The following JADE3 variants were observed in gnomAD, a reference collection of about 807,000 sequenced individuals.
JADE3 encodes jade family PHD finger 3.
Under a neutral mutation model 50.1 loss-of-function variants are expected in JADE3, and 2 were observed. The ratio of observed to expected loss-of-function variants is 0.04; its 90% CI spans 0.02 to 0.13. JADE3 has a LOEUF of 0.13. Ranked by LOEUF, JADE3 falls within the 10% of genes least tolerant of loss-of-function variation. The probability of loss-of-function intolerance (pLI) is 1.00; values close to 1 mark genes in which losing one functional copy is unlikely to be tolerated. For missense variants in JADE3, 475 were observed against 634.4 expected, an observed-to-expected ratio of 0.75 and a Z score of 2.70; for synonymous variants, 218 against 232.9, an observed-to-expected ratio of 0.94 and a Z score of 0.58.
At chrX:46,957,236 G>GATAGATAA (rs1927151329) in intron 1 of JADE3, among the ~76,000 whole-genome samples, 1 of 111,021 alleles carries the variant, frequency 9.0e-6, no homozygotes, top group Non-Finnish European at 1.9e-5. Flanking sequence ...TAGATAGATA[G>GATAGATAA]ATAGATAGAT....
intron 1 of JADE3, among the ~76,000 whole-genome samples, chrX:46,979,113 G>A (rs1395823298): frequency 1.8e-5 from 2 of 111,669 alleles, no homozygotes; most frequent in Non-Finnish European, 3.8e-5. Flanking sequence ...CCCAGGACTG[G>A]TGTAACTCGT....
At position 47,059,935 on chromosome X, in the gene JADE3, C is replaced by T. The variant is rs1556374757; in HGVS notation, c.*858C>T. On this transcript the variant is annotated 3_prime_UTR_variant, in exon 11 of 11. Transcript: ENST00000614628. ...GTTTGACTAAAATAAGTTTGGCTGA[C>T]AGTTTTTGTATACCTGCTTTAATGT... The T allele has an allele frequency of 8.9e-6, 1 of 112,019 alleles. No homozygotes were observed. The highest frequency in any genetic ancestry group is 2.8e-4 in the East Asian group (1 of 3,590). The allele number at this position is 112,019 out of a possible 1,213,427, so 9.2% of individuals were successfully genotyped here.
intron 1 of JADE3, among the ~76,000 whole-genome samples, chrX:46,979,167 T>A (rs1927687287): frequency 8.9e-6 from 1 of 112,489 alleles, no homozygotes; most frequent in South Asian, 3.6e-4. Flanking sequence ...TAATACAAGA[T>A]TTTTTGTTTC....
intron 1 of JADE3, among the ~76,000 whole-genome samples, chrX:46,942,778 G>A (rs1055408407): frequency 2.3e-4 from 26 of 111,859 alleles, no homozygotes; most frequent in Middle Eastern, 4.6e-3. Context: ...TGTTGAATCC[G>A]TAAATTGCTT....
chrX:46,931,792 A>G (rs1926502425), intron 1 of JADE3, among the ~76,000 whole-genome samples: 2 of 112,146 alleles, frequency 1.8e-5, no homozygotes, highest in African/African-American at 6.5e-5. Context: ...TATTTGATAA[A>G]TGTGGCTAAA....
intron 1 of JADE3, among the ~76,000 whole-genome samples, chrX:46,979,728 A>G (rs1480837573): frequency 9.0e-6 from 1 of 110,732 alleles, no homozygotes; most frequent in Non-Finnish European, 1.9e-5. Context: ...TATTTTCACT[A>G]TTTCTTTATT....
In JADE3 at chrX:47,039,139, C is replaced by T. The variant is rs1929198523; in HGVS notation, c.972+74C>T. On this transcript the variant is annotated intron_variant, in intron 8 of 10. Coordinates refer to ENST00000614628, the MANE Select transcript of JADE3 (RefSeq NM_014735.5). ...GACTCACCCTCCCAGTGAGAGTGTC[C>T]TGTCGACTGAAAGGTCACTCAGGAG... The T allele has an allele frequency of 5.8e-6, 3 of 521,358 alleles. No homozygotes were observed. The Admixed American group carries it at 9.3e-5, about 16-fold the overall frequency. 43.0% of individuals were successfully genotyped at this position (521,358 alleles called of 1,213,427 possible).
Position 46,977,341 on chromosome X carries a change from G to C in JADE3, c.-11-7543G>C, listed in dbSNP as rs572752568. ...ACCACTGCACTCTAGCCTGGGTGAC[G>C]GAGTGAGACTCTGTCTCAAAAACAA... is the stretch of plus-strand genomic sequence containing the variant. On this transcript the variant is annotated intron_variant, in intron 1 of 10. Coordinates refer to ENST00000614628, the MANE Select transcript of JADE3 (RefSeq NM_014735.5). 3.2e-4 allele frequency among the ~76,000 whole-genome samples: 36 copies of C among 111,708 alleles called. No individual in the cohort carries two copies. In the South Asian group the frequency reaches 0.013, roughly 42 times the overall value.
At chrX:46,983,354 C>G (rs934801682) in intron 1 of JADE3, among the ~76,000 whole-genome samples, 14 of 110,619 alleles carry the variant, frequency 1.3e-4, no homozygotes, top group Non-Finnish European at 2.3e-4. Flanking sequence ...CCAGGTTTGC[C>G]TCTTCTGGTA....
intron 1 of JADE3, among the ~76,000 whole-genome samples, chrX:46,975,023 A>T (rs1556351291): frequency 1.1e-5 from 1 of 86,983 alleles, no homozygotes; most frequent in African/African-American, 4.3e-5. Flanking sequence ...TAACCGATAA[A>T]TGTCTCCAGA....
chrX:46,941,566 T>C (rs1265916197), intron 1 of JADE3, among the ~76,000 whole-genome samples: 1 of 111,669 alleles, frequency 9.0e-6, no homozygotes, highest in African/African-American at 3.3e-5. Context: ...CCAGCATCTG[T>C]TACTTTTTGA....
chrX:47,058,668 G>A lies in JADE3; in HGVS notation c.2063G>A (p.Cys688Tyr). 8.3e-7 allele frequency: 1 copy of A among 1,211,559 alleles called. No homozygotes were observed. Among genetic ancestry groups the A allele is most frequent in the Non-Finnish European group, 1.1e-6 (1 of 895,409 alleles). The stretch of plus-strand genomic sequence containing the variant: ...AAAGACAGCTCGAGTGAGATGTTCT[G>A]TGACCAGGAGCCTGTGTTCAGCCCC... ...TQKDSSSEMF[C>Y]DQEPVFSPHL... The change falls in exon 11 of 11, where the codon TGT becomes TAT. Residue 688 changes from cysteine (C) to tyrosine (Y), a missense_variant. Around this residue, in one of 6 missense-constraint regions of JADE3, gnomAD observed 243 missense variants for 238.2 expected, o/e 1.02. Transcript: ENST00000614628.
At chrX:46,988,030 A>G (rs1225422489) in intron 3 of JADE3, among the ~76,000 whole-genome samples, 2 of 112,086 alleles carry the variant, frequency 1.8e-5, no homozygotes, top group African/African-American at 3.2e-5. Flanking sequence ...GGACATTATC[A>G]TACCTATCTC....
At chrX:46,995,294 G>T (rs1928101643) in intron 3 of JADE3, among the ~76,000 whole-genome samples, 1 of 111,289 alleles carries the variant, frequency 9.0e-6, no homozygotes, top group African/African-American at 3.3e-5. Flanking sequence ...CTCCCAAAGT[G>T]CTGGGATTAC....
chrX:47,017,306 A>G (rs1414415003), intron 4 of JADE3, among the ~76,000 whole-genome samples: 1 of 112,014 alleles, frequency 8.9e-6, no homozygotes, highest in Non-Finnish European at 1.9e-5. Context: ...ACAAATAAAG[A>G]TGGTGTTAAC....
In JADE3 at chrX:46,999,395, T is replaced by A. The variant is rs1358776407; in HGVS notation, c.284+1118T>A. ...AAACTATAGAAACACCTGTGGGAAG[T>A]TTTATATATATATATATAACATATA... On this transcript the variant is annotated intron_variant, in intron 4 of 10. Transcript: ENST00000614628. Among the ~76,000 whole-genome samples the A allele has an allele frequency of 7.4e-5, 5 of 67,390 alleles. No homozygotes were observed. In the East Asian group the frequency reaches 2.0e-3, roughly 27 times the overall value. 58.5% of individuals were successfully genotyped at this position (67,390 alleles called of 115,157 possible). A position where few individuals can be genotyped will look rare whatever the true frequency, so the allele number is the denominator to read the frequency against.
intron 1 of JADE3, among the ~76,000 whole-genome samples, chrX:46,967,495 C>G (rs1927392794): frequency 9.0e-6 from 1 of 111,693 alleles, no homozygotes; most frequent in Non-Finnish European, 1.9e-5. Flanking sequence ...ATATTCCTAT[C>G]TGGATGTTTT....
chrX:46,990,728 A>G (rs2147133531), intron 3 of JADE3, among the ~76,000 whole-genome samples: 1 of 111,137 alleles, frequency 9.0e-6, no homozygotes, highest in African/African-American at 3.3e-5. Context: ...CAATTCACCC[A>G]TTTTAAGTGT....
At chrX:46,972,640 C>A (rs1927524725) in intron 1 of JADE3, among the ~76,000 whole-genome samples, 2 of 111,988 alleles carry the variant, frequency 1.8e-5, no homozygotes, top group Admixed American at 1.9e-4. Context: ...CACTCTGTCG[C>A]CCAGGCTGGA....
Sources: allele counts gnomAD v4.1 joint callset (sites outside exome capture counted in the v4.1 genomes callset), GRCh38; gene constraint gnomAD v4.1.1; regional missense constraint gnomAD v4.1.1; transcripts MANE v1.5; gene names NCBI Gene and HGNC (gene_info 2026-07-23, HGNC 2026-07-21).